PAPSS1: variants seen among roughly 807,000 people sequenced by gnomAD.
PAPSS1 encodes 3'-phosphoadenosine 5'-phosphosulfate synthase 1.
A neutral mutation model predicts 72.0 loss-of-function variants in PAPSS1; 50 were observed. The observed-to-expected ratio is 0.69, with a 90% confidence interval of 0.55 to 0.88. The LOEUF (loss-of-function observed/expected upper bound fraction) is 0.88. Among genes scored for constraint, PAPSS1 ranks in the 40% least tolerant of loss-of-function variants. The probability of loss-of-function intolerance (pLI) is 0.00; values close to 1 mark genes in which losing one functional copy is unlikely to be tolerated. For synonymous variants in PAPSS1, 261 were observed against 263.6 expected (o/e 0.99, Z 0.09); for missense variants, 657 against 782.2 (o/e 0.84, Z 1.91).
intron 6 of PAPSS1, among the ~76,000 whole-genome samples, chr4:107,657,941 A>T (rs1160187627): frequency 6.6e-6 from 1 of 152,172 alleles, no homozygotes. Flanking sequence ...ACCCAAGCAC[A>T]CAGCTTATGG....
chr4:107,694,830 T>C (rs1004761189), intron 2 of PAPSS1, among the ~76,000 whole-genome samples: 2 of 152,188 alleles, frequency 1.3e-5, no homozygotes, highest in Admixed American at 1.3e-4. Flanking sequence ...TTATGCACTA[T>C]TACTTGCCAA....
chr4:107,691,467 A>C (rs1348992973), intron 3 of PAPSS1, among the ~76,000 whole-genome samples: 2 of 152,028 alleles, frequency 1.3e-5, no homozygotes, highest in Non-Finnish European at 2.9e-5. Flanking sequence ...CTCTATACTA[A>C]CTCGCTTATT....
At chr4:107,711,485 A>T (rs963769099) in intron 1 of PAPSS1, among the ~76,000 whole-genome samples, 1 of 151,878 alleles carries the variant, frequency 6.6e-6, no homozygotes, top group African/African-American at 2.4e-5. Context: ...ATTTTTCATC[A>T]TTTTATAAAG....
chr4:107,635,540 G>C (rs761310150), intron 10 of PAPSS1, among the ~76,000 whole-genome samples: 13 of 152,126 alleles, frequency 8.5e-5, no homozygotes, highest in Admixed American at 5.2e-4. Flanking sequence ...AAAGGAAATA[G>C]GTGGAGCAAA....
At chr4:107,695,207 C>T (rs888775656) in intron 2 of PAPSS1, among the ~76,000 whole-genome samples, 4 of 152,160 alleles carry the variant, frequency 2.6e-5, no homozygotes, top group Non-Finnish European at 5.9e-5. Context: ...AGGTCCTTCA[C>T]GTCCCTTGCA....
intron 1 of PAPSS1, among the ~76,000 whole-genome samples, chr4:107,704,085 GTATTT>G (rs1397922454): frequency 6.6e-6 from 1 of 151,992 alleles, no homozygotes; most frequent in Non-Finnish European, 1.5e-5. Flanking sequence ...GTATTCCCAA[GTATTT>G]TATTTTTCTG....
intron 3 of PAPSS1, among the ~76,000 whole-genome samples, chr4:107,688,895 T>G (rs1194825657): frequency 9.9e-5 from 15 of 152,102 alleles, no homozygotes; most frequent in Admixed American, 9.8e-4. Context: ...TCTCTCAAGT[T>G]TACATTCTCT....
chr4:107,690,841 C>A (rs1444443082), intron 3 of PAPSS1, among the ~76,000 whole-genome samples: 1 of 152,142 alleles, frequency 6.6e-6, no homozygotes, highest in African/African-American at 2.4e-5. Flanking sequence ...TCAGCACACA[C>A]TCTTAGATAC....
At chr4:107,699,861 C>A (rs1194427762) in intron 2 of PAPSS1, among the ~76,000 whole-genome samples, 1 of 152,088 alleles carries the variant, frequency 6.6e-6, no homozygotes, top group East Asian at 1.9e-4. Flanking sequence ...CATAAAACCT[C>A]CAGGAGTTCA....
At chr4:107,666,330 C>A (rs544467597) in intron 5 of PAPSS1, among the ~76,000 whole-genome samples, 119 of 152,154 alleles carry the variant, frequency 7.8e-4, no homozygotes, top group African/African-American at 2.8e-3. Context: ...AGTTAAAATG[C>A]AATACTAGCA....
intron 5 of PAPSS1, among the ~76,000 whole-genome samples, chr4:107,661,122 G>A (rs1049569037): frequency 1.8e-4 from 27 of 152,098 alleles, no homozygotes; most frequent in African/African-American, 6.3e-4. Flanking sequence ...AACATCATAT[G>A]TCATTAGGAA....
chr4:107,659,200 A>G (rs1370615487), intron 6 of PAPSS1, among the ~76,000 whole-genome samples: 1 of 152,196 alleles, frequency 6.6e-6, no homozygotes, highest in Non-Finnish European at 1.5e-5. Flanking sequence ...TCACACACAG[A>G]AAGTGTACCA....
At chr4:107,656,099 A>AC (rs1424042403) in intron 7 of PAPSS1, among the ~76,000 whole-genome samples, 1 of 152,126 alleles carries the variant, frequency 6.6e-6, no homozygotes, top group Admixed American at 6.5e-5. Context: ...TATATGTTGG[A>AC]CATCATTTTT....
At chr4:107,634,947 G>A (rs2672456) in intron 10 of PAPSS1, among the ~76,000 whole-genome samples, 141,465 of 151,462 alleles carry the variant, frequency 0.93, 66,610 homozygotes, top group East Asian at 1. Context: ...ACAGGCGCCC[G>A]CTACCACGCC....
chr4:107,615,656 A>G, intron 11 of PAPSS1, among the ~76,000 whole-genome samples: 1 of 152,214 alleles, frequency 6.6e-6, no homozygotes, highest in East Asian at 1.9e-4. Flanking sequence ...CGAATATTAC[A>G]TAGTCATTAA....
chr4:107,663,897 T>C (rs1428426253), intron 5 of PAPSS1, among the ~76,000 whole-genome samples: 1 of 152,208 alleles, frequency 6.6e-6, no homozygotes, highest in Non-Finnish European at 1.5e-5. Context: ...CACACAAATT[T>C]TTCTTATTTT....
At chr4:107,711,931 A>T (rs936097268) in intron 1 of PAPSS1, among the ~76,000 whole-genome samples, 7 of 152,224 alleles carry the variant, frequency 4.6e-5, no homozygotes, top group Non-Finnish European at 8.8e-5. Flanking sequence ...CTACTACAAA[A>T]TATGCTGTGT....
At chr4:107,633,723 T>A (rs1225091586) in intron 10 of PAPSS1, among the ~76,000 whole-genome samples, 1 of 151,690 alleles carries the variant, frequency 6.6e-6, no homozygotes, top group African/African-American at 2.4e-5. Flanking sequence ...ATTGAGACCA[T>A]CCTGGCTAAC....
chr4:107,624,070 G>A (rs372603240), intron 11 of PAPSS1, among the ~76,000 whole-genome samples: 192 of 152,192 alleles, frequency 1.3e-3, no homozygotes, highest in African/African-American at 4.3e-3. Context: ...TTCAAGAACT[G>A]CCTTATCTGG....
Sources: gnomAD v4.1 joint callset for allele counts (sites outside exome capture counted in the v4.1 genomes callset) on GRCh38, gnomAD v4.1.1 for gene constraint, MANE v1.5 for transcripts, NCBI Gene and HGNC (gene_info 2026-07-23, HGNC 2026-07-21) for gene names.